DNAJC1: variants seen among roughly 807,000 people sequenced by gnomAD.
DNAJC1 encodes DnaJ heat shock protein family (Hsp40) member C1, also known as dnaJ homolog subfamily C member 1.
A neutral mutation model predicts 76.6 loss-of-function variants in DNAJC1; 58 were observed. The observed-to-expected ratio is 0.76, with a 90% CI of 0.61 to 0.94. The LOEUF is 0.94. Ranked by LOEUF, DNAJC1 falls within the 40% of genes least tolerant of loss-of-function variation. The pLI, the probability that DNAJC1 is intolerant of heterozygous loss-of-function variation, is 0.00. For missense variants in DNAJC1, 689 were observed against 677.3 expected, an observed-to-expected ratio of 1.02 and a Z score of -0.19; for synonymous variants, 258 against 267.9, an observed-to-expected ratio of 0.96 and a Z score of 0.36.
chr10:21,804,784 C>T (rs1229530024), intron 9 of DNAJC1, among the ~76,000 whole-genome samples: 2 of 151,746 alleles, frequency 1.3e-5, no homozygotes, highest in Non-Finnish European at 2.9e-5. Flanking sequence ...TTTAAATGAC[C>T]TATACAGTAG....
Position 21,759,582 on chromosome 10 carries a change from T to C in DNAJC1, c.1184A>G (p.Gln395Arg), listed in dbSNP as rs1203151536. ...VRLSELKSTV[Q>R]NSRPIKTATT... ...GGCCGTTTTGATGGGCCTGGAATTCTGAACTGTCGATTTGAGTTCGGAGAG... is the reference window on the plus strand; with the variant it reads ...GGCCGTTTTGATGGGCCTGGAATTCCGAACTGTCGATTTGAGTTCGGAGAG... The change falls in exon 11 of 12, where the codon CAG becomes CGG. Residue 395 changes from glutamine (Q) to arginine (R), a missense_variant. Gln to Arg is a conservative substitution (Grantham distance 43, BLOSUM62 1). Transcript: ENST00000376980. 2 of 1,614,140 alleles carry C rather than the reference T, an allele frequency of 1.2e-6. No homozygotes were observed. The highest frequency in any genetic ancestry group is 1.7e-6 in the Non-Finnish European group (2 of 1,180,024).
chr10:21,904,879 C>T (rs937743917), intron 6 of DNAJC1, among the ~76,000 whole-genome samples: 69 of 152,060 alleles, frequency 4.5e-4, no homozygotes, highest in African/African-American at 1.6e-3. Context: ...CTGTTTTCTT[C>T]CATTGTATGC....
In DNAJC1 at chr10:21,943,875, G is replaced by A. The variant is rs143719374; in HGVS notation, c.223-14734C>T. ...GTGAGAAAGATGGCTGTGGTCAACC[G>A]CAAATGTTGGTTTCAAATCCATGCC... is the stretch of plus-strand genomic sequence containing the variant. On this transcript the variant is annotated intron_variant, in intron 1 of 11. Coordinates refer to ENST00000376980, the MANE Select transcript of DNAJC1 (RefSeq NM_022365.4). Among the ~76,000 whole-genome samples, 1,379 of 150,978 alleles carry A rather than the reference G, an allele frequency of 9.1e-3. 80 individuals carry two copies. Among genetic ancestry groups the A allele is most frequent in the Admixed American group, 0.082 (1,247 of 15,188 alleles).
chr10:21,953,991 A>C (rs1278322478), intron 1 of DNAJC1, among the ~76,000 whole-genome samples: 2 of 152,092 alleles, frequency 1.3e-5, no homozygotes, highest in African/African-American at 4.8e-5. Flanking sequence ...GTTTCTAGAA[A>C]ATAGCACTGT....
At chr10:21,884,201 T>C (rs967075389) in intron 7 of DNAJC1, among the ~76,000 whole-genome samples, 1 of 152,118 alleles carries the variant, frequency 6.6e-6, no homozygotes, top group African/African-American at 2.4e-5. Flanking sequence ...AAACAGAAGA[T>C]TGCTATAAAC....
At chr10:21,973,958 C>T (rs1041952533) in intron 1 of DNAJC1, among the ~76,000 whole-genome samples, 7 of 151,368 alleles carry the variant, frequency 4.6e-5, no homozygotes, top group African/African-American at 7.3e-5. Flanking sequence ...CAAAATCGGC[C>T]GGACCTGGAG....
At chr10:21,844,653 T>C (rs1013593070) in intron 8 of DNAJC1, among the ~76,000 whole-genome samples, 1 of 152,134 alleles carries the variant, frequency 6.6e-6, no homozygotes, top group African/African-American at 2.4e-5. Flanking sequence ...TACTAATACA[T>C]CCACAATAGT....
chr10:21,835,057 C>A (rs1440144195), intron 8 of DNAJC1, among the ~76,000 whole-genome samples: 1 of 152,192 alleles, frequency 6.6e-6, no homozygotes, highest in Non-Finnish European at 1.5e-5. Flanking sequence ...CCCCGAGAAG[C>A]CTGTCTGGGA....
chr10:21,959,528 T>C (rs1015299269), intron 1 of DNAJC1, among the ~76,000 whole-genome samples: 1 of 152,098 alleles, frequency 6.6e-6, no homozygotes, highest in African/African-American at 2.4e-5. Flanking sequence ...CTGTGGCTCA[T>C]GCCTGTGATC....
intron 8 of DNAJC1, among the ~76,000 whole-genome samples, chr10:21,827,618 A>C (rs1476668698): frequency 6.6e-6 from 1 of 152,138 alleles, no homozygotes; most frequent in African/African-American, 2.4e-5. Context: ...CTGCTGCGTC[A>C]TCATATGGCC....
intron 8 of DNAJC1, among the ~76,000 whole-genome samples, chr10:21,844,668 CCCA>C (rs1281121089): frequency 5.3e-5 from 8 of 151,948 alleles, no homozygotes; most frequent in Admixed American, 4.6e-4. Context: ...AATAGTCTAC[CCCA>C]CCACCACCCC....
intron 1 of DNAJC1, among the ~76,000 whole-genome samples, chr10:21,963,349 A>G (rs139840422): frequency 1.3e-5 from 2 of 152,356 alleles, no homozygotes; most frequent in African/African-American, 4.8e-5. Flanking sequence ...TAACTGAAGA[A>G]CAGTTTTACA....
intron 8 of DNAJC1, among the ~76,000 whole-genome samples, chr10:21,861,087 G>A (rs1376355050): frequency 1.3e-5 from 2 of 152,166 alleles, no homozygotes; most frequent in Non-Finnish European, 2.9e-5. Flanking sequence ...CTAAGGTAAT[G>A]GGGGTCAGGA....
chr10:21,801,390 A>C (rs1372612752), intron 9 of DNAJC1, among the ~76,000 whole-genome samples: 4 of 152,138 alleles, frequency 2.6e-5, no homozygotes, highest in South Asian at 4.1e-4. Context: ...AAAAAAGCTC[A>C]ATCACTGATC....
intron 1 of DNAJC1, among the ~76,000 whole-genome samples, chr10:21,958,870 A>C (rs1287438831): frequency 6.6e-6 from 1 of 152,122 alleles, no homozygotes; most frequent in African/African-American, 2.4e-5. Flanking sequence ...AAAAGTTATT[A>C]ACATGCTTTG....
At chr10:21,830,161 T>A (rs964260659) in intron 8 of DNAJC1, among the ~76,000 whole-genome samples, 2 of 152,190 alleles carry the variant, frequency 1.3e-5, no homozygotes, top group African/African-American at 4.8e-5. Flanking sequence ...CAGTCAATGC[T>A]TTAGATTTAT....
intron 8 of DNAJC1, among the ~76,000 whole-genome samples, chr10:21,811,340 T>C (rs926050236): frequency 1.5e-4 from 23 of 152,322 alleles, no homozygotes; most frequent in African/African-American, 5.3e-4. Flanking sequence ...TCATTACAAA[T>C]TGTATTAAGC....
intron 1 of DNAJC1, among the ~76,000 whole-genome samples, chr10:21,988,252 A>G (rs1173866750): frequency 6.6e-6 from 1 of 152,150 alleles, no homozygotes; most frequent in African/African-American, 2.4e-5. Context: ...ATTGTTATCC[A>G]TGTTAGAAAG....
chr10:21,765,358 G>A (rs903226098), intron 10 of DNAJC1, among the ~76,000 whole-genome samples: 1 of 152,030 alleles, frequency 6.6e-6, no homozygotes, highest in South Asian at 2.1e-4. Context: ...GTGCCACCAC[G>A]CCCGGCTGGG....
Sources: gnomAD v4.1 joint callset for allele counts (sites outside exome capture counted in the v4.1 genomes callset) on GRCh38, gnomAD v4.1.1 for gene constraint, MANE v1.5 for transcripts, NCBI Gene and HGNC (gene_info 2026-07-23, HGNC 2026-07-21) for gene names.